Variants in CTNNB1 observed in about 807,000 individuals in gnomAD.
The protein encoded by CTNNB1 is catenin beta 1.
Under a neutral mutation model 82.5 loss-of-function variants are expected in CTNNB1, and 6 were observed. That is an observed-to-expected ratio of 0.07 (90% CI 0.04 to 0.14). The LOEUF (loss-of-function observed/expected upper bound fraction) is 0.14. Ranked by LOEUF, CTNNB1 falls within the 10% of genes least tolerant of loss-of-function variation. The pLI is 1.00. For missense variants in CTNNB1, 529 were observed against 980.4 expected (o/e 0.54, Z 6.15); for synonymous variants, 312 against 329.7 (o/e 0.95, Z 0.58).
At chr3:41,211,261 G>A (rs2125595272) in intron 1 of CTNNB1, among the ~76,000 whole-genome samples, 1 of 152,296 alleles carries the variant, frequency 6.6e-6, no homozygotes, top group East Asian at 1.9e-4. Flanking sequence ...TGAGACCACT[G>A]TTGTATGTGC....
chr3:41,231,305 C>T (rs529276913), intron 7 of CTNNB1, among the ~76,000 whole-genome samples: 5 of 145,404 alleles, frequency 3.4e-5, no homozygotes, highest in Admixed American at 1.4e-4. Context: ...TCAGCCTGGG[C>T]GACAGAGTGA....
chr3:41,228,715 G>A (rs1487696697), intron 7 of CTNNB1, among the ~76,000 whole-genome samples: 2 of 152,112 alleles, frequency 1.3e-5, no homozygotes, highest in African/African-American at 2.4e-5. Flanking sequence ...CTTTTGCTGC[G>A]CAGAAGCTCT....
intron 14 of CTNNB1, 29 bp from the exon 15 acceptor site, chr3:41,239,105 C>T (rs894490844): frequency 6.3e-6 from 10 of 1,587,804 alleles, no homozygotes; most frequent in Admixed American, 3.3e-5. Context: ...TCCTTCTTGC[C>T]TATTTTGTTG....
chr3:41,224,041 C>G lies in CTNNB1; in HGVS notation c.-28C>G. The G allele has an allele frequency of 6.2e-7, 1 of 1,612,552 alleles. No individual in the cohort carries two copies. Among genetic ancestry groups the G allele is most frequent in the Non-Finnish European group, 8.5e-7 (1 of 1,178,700 alleles). On this transcript the variant is annotated 5_prime_UTR_variant, in exon 2 of 15. Coordinates refer to ENST00000349496, the MANE Select transcript of CTNNB1 (RefSeq NM_001904.4). ...TTTAGGGTATTTGAAGTATACCATA[C>G]AACTGTTTTGAAAATCCAGCGTGGA... is the stretch of plus-strand genomic sequence containing the variant.
chr3:41,201,613 A>G (rs1310429675), intron 1 of CTNNB1, among the ~76,000 whole-genome samples: 1 of 152,150 alleles, frequency 6.6e-6, no homozygotes, highest in Non-Finnish European at 1.5e-5. Context: ...AAAGCTTAGT[A>G]TAGCATGTAA....
chr3:41,211,766 T>C (rs1301710135), intron 1 of CTNNB1, among the ~76,000 whole-genome samples: 1 of 152,246 alleles, frequency 6.6e-6, no homozygotes, highest in African/African-American at 2.4e-5. Flanking sequence ...CTTGATCCAG[T>C]CTACCGTTCA....
intron 9 of CTNNB1, 98 bp from the exon 10 acceptor site, chr3:41,234,041 A>G (rs1481797516): frequency 2.0e-6 from 3 of 1,529,950 alleles, no homozygotes; most frequent in Non-Finnish European, 2.7e-6. Flanking sequence ...AGTCAGAACT[A>G]CTTTTAGTTG....
rs1477978704 is a variant in CTNNB1 at position 41,224,979 on chromosome 3, T to C, written c.267T>C (p.Thr89=). 2 of 1,614,056 alleles carry C rather than the reference T, an allele frequency of 1.2e-6. No homozygotes were observed. Among genetic ancestry groups the C allele is most frequent in the Non-Finnish European group, 1.7e-6 (2 of 1,179,960 alleles). ...VADIDGQYAM[T]RAQRVRAAMF... is the part of the protein sequence containing the mutation. ...ATATTGATGGACAGTATGCAATGAC[T>C]CGAGCTCAGAGGGTACGAGCTGCTA... Residue 89 remains threonine (T), a synonymous_variant, in exon 4 of 15, where the codon ACT becomes ACC. Transcript: ENST00000349496.
chr3:41,210,831 C>T (rs962552421), intron 1 of CTNNB1, among the ~76,000 whole-genome samples: 1 of 151,814 alleles, frequency 6.6e-6, no homozygotes, highest in Admixed American at 6.6e-5. Context: ...ACTCTGTCAC[C>T]CAGGCTGGAG....
Position 41,224,072 on chromosome 3 carries a change from G to C in CTNNB1, c.4G>C (p.Ala2Pro). 1 of 1,613,768 alleles carries C rather than the reference G, an allele frequency of 6.2e-7. No homozygotes were observed. The highest frequency in any genetic ancestry group is 8.5e-7 in the Non-Finnish European group (1 of 1,179,762). ...TTTTGAAAATCCAGCGTGGACAATG[G>C]CTACTCAAGGTTTGTGTCATTAAAT... Reference protein sequence around the residue: MATQADLMELDM... With the variant: MPTQADLMELDM... The change falls in exon 2 of 15, where the codon GCT becomes CCT. Residue 2 changes from alanine to proline, a missense_variant. By Grantham distance (27) the Ala-to-Pro change is conservative. Coordinates refer to ENST00000349496, the MANE Select transcript of CTNNB1 (RefSeq NM_001904.4).
chr3:41,210,674 T>G (rs1684716652), intron 1 of CTNNB1, among the ~76,000 whole-genome samples: 1 of 152,188 alleles, frequency 6.6e-6, no homozygotes, highest in African/African-American at 2.4e-5. Flanking sequence ...GTTAACTTTT[T>G]TTTTTTAAGA....
At position 41,210,967 on chromosome 3, in the gene CTNNB1, A is replaced by T. The variant is rs546598788; in HGVS notation, c.-49+11297A>T. 676 of 450,360 alleles carry T rather than the reference A, an allele frequency of 1.5e-3. 8 individuals carry two copies. The highest frequency in any genetic ancestry group is 9.2e-3 in the South Asian group (587 of 63,910). 27.9% of individuals were successfully genotyped at this position (450,360 alleles called of 1,614,324 possible). On this transcript the variant is annotated intron_variant, in intron 1 of 14. Transcript: ENST00000349496. ...CACCATGCCTGGCTAATTAAAAAAA[A>T]TTTTTTGTAGAGACAGGGTCTCACT... is the stretch of plus-strand genomic sequence containing the variant.
chr3:41,227,498 C>T (rs747820946), intron 7 of CTNNB1, 146 bp downstream of exon 7: 10 of 814,556 alleles, frequency 1.2e-5, no homozygotes, highest in Non-Finnish European at 1.8e-5. Flanking sequence ...ATTCAGAGTA[C>T]CTGTCATCTG....
At chr3:41,220,629 T>A (rs1489144248) in intron 1 of CTNNB1, 4 of 152,188 alleles carry the variant, frequency 2.6e-5, no homozygotes, top group Admixed American at 2.6e-4. Flanking sequence ...TACTAAGAAC[T>A]TTTTAAAAAT....
rs180741234 is a variant in CTNNB1 at position 41,238,097 on chromosome 3, G to A, written c.2137+21G>A. 66 of 1,604,134 alleles carry A rather than the reference G, an allele frequency of 4.1e-5. No individual in the cohort carries two copies. The Admixed American group carries it at 7.5e-4, about 18-fold the overall frequency. The stretch of plus-strand genomic sequence containing the variant: ...GGATGGTATGTGTCTCATATTTCTC[G>A]ATTAACTCCAGATCAAGCTAAAGTT... On this transcript the variant is annotated intron_variant, in intron 14 of 14. Transcript: ENST00000349496.
rs2078538434 is a variant in CTNNB1, at chr3:41,239,983, G to GTTT, written c.*641_*642insTTT. 1.2e-5 allele frequency: 1 copy of GTTT among 81,474 alleles called. No individual in the cohort carries two copies. The highest frequency in any genetic ancestry group is 5.8e-5 in the African/African-American group (1 of 17,258). 5.0% of individuals were successfully genotyped at this position (81,474 alleles called of 1,614,324 possible). On this transcript the variant is annotated 3_prime_UTR_variant, in exon 15 of 15. Coordinates refer to ENST00000349496, the MANE Select transcript of CTNNB1 (RefSeq NM_001904.4). ...TACTGACTTTGCTTGCTTTGAAGTAGCTCTTTTTTTTTTTTTTTTTTTTTT... is the reference window on the plus strand; with the variant it reads ...TACTGACTTTGCTTGCTTTGAAGTAGTTTCTCTTTTTTTTTTTTTTTTTTTTTT...
At chr3:41,208,228 C>CT (rs1559456283) in intron 1 of CTNNB1, among the ~76,000 whole-genome samples, 1 of 150,500 alleles carries the variant, frequency 6.6e-6, no homozygotes. Context: ...ACCTGTGTCA[C>CT]TAAGTTTACT....
At position 41,238,431 on chromosome 3, in the gene CTNNB1, A is replaced by G. The variant is rs11564474; in HGVS notation, c.2137+355A>G. 2.9e-3 allele frequency: 699 copies of G among 241,842 alleles called. 16 individuals carry two copies. In the Admixed American group the frequency reaches 0.032, roughly 11 times the overall value. The allele number at this position is 241,842 out of a possible 1,614,324, so 15.0% of individuals were successfully genotyped here. On this transcript the variant is annotated intron_variant, in intron 14 of 14. Coordinates refer to ENST00000349496, the MANE Select transcript of CTNNB1 (RefSeq NM_001904.4). The stretch of plus-strand genomic sequence containing the variant: ...GGAAGATAGGAAAACTCCTGTTTCT[A>G]GGCTCAGATCTCGGGTGGGTTTTTA...
intron 14 of CTNNB1, among the ~76,000 whole-genome samples, chr3:41,238,603 C>G (rs1266629491): frequency 6.6e-6 from 1 of 152,130 alleles, no homozygotes; most frequent in Non-Finnish European, 1.5e-5. Flanking sequence ...ACCACTAAAG[C>G]GCAGATTCTT....
Sources: allele counts gnomAD v4.1 joint callset (sites outside exome capture counted in the v4.1 genomes callset), GRCh38; gene constraint gnomAD v4.1.1; transcripts MANE v1.5; gene names NCBI Gene and HGNC (gene_info 2026-07-23, HGNC 2026-07-21).